PTPRN2: variants seen among roughly 807,000 people sequenced by gnomAD.
The protein encoded by PTPRN2 is protein tyrosine phosphatase receptor type N2, also known as receptor-type tyrosine-protein phosphatase N2.
PTPRN2 carries 74 observed loss-of-function variants against 118.8 expected under a neutral mutation model. The ratio of observed to expected loss-of-function variants is 0.62; its 90% CI spans 0.52 to 0.76. PTPRN2 has a LOEUF of 0.76. Ranked by LOEUF, PTPRN2 falls within the 30% of genes least tolerant of loss-of-function variation. The probability of loss-of-function intolerance (pLI) is 0.00; values close to 1 mark genes in which losing one functional copy is unlikely to be tolerated. For missense variants in PTPRN2, 1,481 were observed against 1,394.4 expected, an observed-to-expected ratio of 1.06 and a Z score of -0.99; for synonymous variants, 641 against 608.0, an observed-to-expected ratio of 1.05 and a Z score of -0.80.
chr7:158,007,101 G>A (rs1361782939), intron 11 of PTPRN2, among the ~76,000 whole-genome samples: 1 of 152,202 alleles, frequency 6.6e-6, no homozygotes, highest in Non-Finnish European at 1.5e-5. Flanking sequence ...CTTCTCCAGT[G>A]TCTCTTCTTT....
intron 10 of PTPRN2, among the ~76,000 whole-genome samples, chr7:158,109,604 C>T (rs1184931124): frequency 1.3e-5 from 2 of 150,252 alleles, no homozygotes; most frequent in Non-Finnish European, 3.0e-5. Context: ...CGTGTAGGAG[C>T]CAGTGAGTGA....
At chr7:158,040,078 A>AG (rs1291981975) in intron 11 of PTPRN2, among the ~76,000 whole-genome samples, 15 of 39,614 alleles carry the variant, frequency 3.8e-4, no homozygotes, top group East Asian at 3.5e-3. Flanking sequence ...AGAGAGAGAG[A>AG]AAAAAAAAGA....
chr7:158,333,111 A>G (rs1354928926), intron 2 of PTPRN2, among the ~76,000 whole-genome samples: 6 of 96,714 alleles, frequency 6.2e-5, no homozygotes, highest in African/African-American at 1.0e-4. Flanking sequence ...CACCATAAGA[A>G]GTGACACCTG....
At chr7:158,043,277 G>T (rs1391991696) in intron 11 of PTPRN2, among the ~76,000 whole-genome samples, 1 of 152,212 alleles carries the variant, frequency 6.6e-6, no homozygotes, top group Non-Finnish European at 1.5e-5. Flanking sequence ...CAAATCCCAG[G>T]TTTTAATCCC....
At position 157,779,287 on chromosome 7, in the gene PTPRN2, G is replaced by A. The variant is rs189628608; in HGVS notation, c.1789-96350C>T. 7.9e-5 allele frequency among the ~76,000 whole-genome samples: 12 copies of A among 152,334 alleles called. No homozygotes were observed. Among genetic ancestry groups the A allele is most frequent in the Admixed American group, 2.0e-4 (3 of 15,302 alleles). On this transcript the variant is annotated intron_variant, in intron 12 of 22. Transcript: ENST00000389418. This position sits in a 1 kb window ranked among gnomAD's most constrained non-coding sequence, Gnocchi z 4.7. Reference sequence around the variant, plus strand: ...GGCAAGGTCAGCAAGGCATGTGCTCGGTGGAGGAGGCCTAACTGTTGCTAC... The same window carrying A: ...GGCAAGGTCAGCAAGGCATGTGCTCAGTGGAGGAGGCCTAACTGTTGCTAC...
chr7:157,887,906 C>T (rs1796579728), intron 12 of PTPRN2, among the ~76,000 whole-genome samples: 1 of 149,170 alleles, frequency 6.7e-6, no homozygotes, highest in Non-Finnish European at 1.5e-5. Flanking sequence ...CCCACTCCCC[C>T]CAGTACTGCC....
intron 2 of PTPRN2, among the ~76,000 whole-genome samples, chr7:158,422,142 C>G (rs549559811): frequency 6.6e-6 from 1 of 152,228 alleles, no homozygotes; most frequent in African/African-American, 2.4e-5. Flanking sequence ...ATTAATTTTA[C>G]GAGCTGACTG....
rs572658500 is a variant in PTPRN2 at position 158,174,904 on chromosome 7, C to T, written c.550-7613G>A. ...TCCTCGCTCCCAACTTTACTGGGGC[C>T]GGGAGTACCAGAGCTAAAAATCAGG... On this transcript the variant is annotated intron_variant, in intron 5 of 22. Transcript: ENST00000389418. Among the ~76,000 whole-genome samples the T allele has an allele frequency of 3.3e-5, 5 of 152,172 alleles. No individual in the cohort carries two copies. The South Asian group carries it at 6.2e-4, about 19-fold the overall frequency.
intron 3 of PTPRN2, among the ~76,000 whole-genome samples, chr7:158,218,162 G>A (rs577663730): frequency 2.0e-5 from 3 of 152,166 alleles, no homozygotes; most frequent in South Asian, 2.1e-4. Flanking sequence ...AGGTTGTTGT[G>A]AAAGAAAAAC....
chr7:158,219,890 C>A (rs1432759854), intron 3 of PTPRN2, among the ~76,000 whole-genome samples: 1 of 150,878 alleles, frequency 6.6e-6, no homozygotes, highest in Non-Finnish European at 1.5e-5. Flanking sequence ...AAAAAAAAAA[C>A]CTACCAACCA....
intron 3 of PTPRN2, among the ~76,000 whole-genome samples, chr7:158,250,640 T>C (rs779744882): frequency 6.6e-6 from 1 of 152,194 alleles, no homozygotes; most frequent in Non-Finnish European, 1.5e-5. Flanking sequence ...ACAGGTATAT[T>C]TTCTTTGCAA....
rs1295835480 is a variant in PTPRN2, at chr7:158,166,997, G to C, written c.844C>G (p.Pro282Ala). 4 of 1,464,594 alleles carry C rather than the reference G, an allele frequency of 2.7e-6. No homozygotes were observed. The highest frequency in any genetic ancestry group is 2.7e-6 in the Non-Finnish European group (3 of 1,103,736). 90.7% of individuals were successfully genotyped at this position (1,464,594 alleles called of 1,614,324 possible). A position where few individuals can be genotyped will look rare whatever the true frequency, so the allele number is the denominator to read the frequency against. The change falls in exon 6 of 23, where the codon CCA becomes GCA. Residue 282 changes from proline (P) to alanine (A), a missense_variant. Pro to Ala is a conservative substitution (Grantham distance 27). Transcript: ENST00000389418. ...GAAGGCCACTTCTGGGGGGCGGCTG[G>C]TGCCAGCAAAGGCCTGGGCATTCTT... ...PSRMPRPLLAPAAPQKWPSPL... is the reference protein window; with the variant it reads ...PSRMPRPLLAAAAPQKWPSPL...
At chr7:158,417,475 T>G (rs1321545735) in intron 2 of PTPRN2, among the ~76,000 whole-genome samples, 1 of 149,974 alleles carries the variant, frequency 6.7e-6, no homozygotes. Flanking sequence ...CATGGTGTAC[T>G]ACATCGAGAT....
chr7:158,342,905 G>T (rs1807167940), intron 2 of PTPRN2, among the ~76,000 whole-genome samples: 1 of 152,054 alleles, frequency 6.6e-6, no homozygotes, highest in Non-Finnish European at 1.5e-5. Flanking sequence ...GTCCTTAGGG[G>T]CTTCAAAAGC....
intron 11 of PTPRN2, chr7:158,029,007 C>T (rs1807481585): frequency 1.3e-5 from 2 of 152,346 alleles, no homozygotes; most frequent in African/African-American, 4.8e-5. Flanking sequence ...ATGTTCAAAC[C>T]AGCACATGGG....
intron 12 of PTPRN2, among the ~76,000 whole-genome samples, chr7:157,890,446 C>T (rs1392267375): frequency 1.3e-5 from 2 of 152,154 alleles, no homozygotes; most frequent in African/African-American, 4.8e-5. Flanking sequence ...TCAAAACCAT[C>T]CTGGCTAACA....
chr7:157,997,543 G>A (rs1804849039), intron 11 of PTPRN2, among the ~76,000 whole-genome samples: 1 of 152,220 alleles, frequency 6.6e-6, no homozygotes, highest in Admixed American at 6.5e-5. Flanking sequence ...CAAGAGGGAA[G>A]GACCAGGGAG....
intron 2 of PTPRN2, among the ~76,000 whole-genome samples, chr7:158,399,219 G>A (rs1324137547): frequency 6.6e-6 from 1 of 152,188 alleles, no homozygotes; most frequent in Admixed American, 6.5e-5. Flanking sequence ...TTAATAAGGG[G>A]CACAAAGAGC....
rs1300524239 is a variant in PTPRN2 at position 158,093,607 on chromosome 7, C to A, written c.1644-12230G>T. Among the ~76,000 whole-genome samples the A allele has an allele frequency of 1.3e-5, 2 of 152,242 alleles. No individual in the cohort carries two copies. The highest frequency in any genetic ancestry group is 1.5e-5 in the Non-Finnish European group (1 of 68,046). On this transcript the variant is annotated intron_variant, in intron 10 of 22. Transcript: ENST00000389418. This position sits in a 1 kb window ranked among gnomAD's most constrained non-coding sequence, Gnocchi z 4.4. ...TCACGTCTGGCTGCTACAGAATTCT[C>A]TTTGCATGCCTCATTCCAGCTATGT... is the stretch of plus-strand genomic sequence containing the variant.
Sources: allele counts gnomAD v4.1 joint callset (sites outside exome capture counted in the v4.1 genomes callset), GRCh38; gene constraint gnomAD v4.1.1; non-coding constraint Gnocchi (gnomAD v3.1); transcripts MANE v1.5; gene names NCBI Gene and HGNC (gene_info 2026-07-23, HGNC 2026-07-21).